Variants in GTPBP4 observed in about 807,000 individuals in gnomAD.
GTPBP4 encodes the protein GTP binding protein 4.
A neutral mutation model predicts 81.7 loss-of-function variants in GTPBP4; 15 were observed. The ratio of observed to expected loss-of-function variants is 0.18; its 90% CI spans 0.12 to 0.28. GTPBP4 has a LOEUF of 0.28. Ranked by LOEUF, GTPBP4 falls within the 10% of genes least tolerant of loss-of-function variation. The probability of loss-of-function intolerance (pLI) is 1.00; values close to 1 mark genes in which losing one functional copy is unlikely to be tolerated. For synonymous variants in GTPBP4, 272 were observed against 274.6 expected, an observed-to-expected ratio of 0.99 and a Z score of 0.09; for missense variants, 847 against 793.8, an observed-to-expected ratio of 1.07 and a Z score of -0.81.
At chr10:995,469 G>T (rs1467030743) in intron 2 of GTPBP4, among the ~76,000 whole-genome samples, 1 of 143,548 alleles carries the variant, frequency 7.0e-6, no homozygotes, top group Non-Finnish European at 1.5e-5. Context: ...GTTCAAGAGA[G>T]GGAGGAGAGG....
chr10:994,558 A>T (rs1831505872), intron 2 of GTPBP4, among the ~76,000 whole-genome samples: 1 of 152,230 alleles, frequency 6.6e-6, no homozygotes, highest in Non-Finnish European at 1.5e-5. Context: ...GACATAAGCC[A>T]CAGTGCCTGG....
At position 1,019,374 on chromosome 10, in the gene GTPBP4, A is replaced by C; in HGVS notation, c.*2147A>C. On this transcript the variant is annotated 3_prime_UTR_variant, in exon 17 of 17. Transcript: ENST00000360803. ...AATGAAGATATGACAAAGTTGATGA[A>C]AAGGTTGAAATAGTGATTTATACAT... 1 of 576,932 alleles carries C rather than the reference A, an allele frequency of 1.7e-6. No individual in the cohort carries two copies. The highest frequency in any genetic ancestry group is 2.6e-5 in the South Asian group (1 of 38,322). The allele number at this position is 576,932 out of a possible 1,614,324, so 35.7% of individuals were successfully genotyped here. A position where few individuals can be genotyped will look rare whatever the true frequency, so the allele number is the denominator to read the frequency against.
At chr10:1,006,181 A>G (rs1831727443) in intron 9 of GTPBP4, among the ~76,000 whole-genome samples, 1 of 152,200 alleles carries the variant, frequency 6.6e-6, no homozygotes, top group South Asian at 2.1e-4. Flanking sequence ...GCCTTTTAAT[A>G]TTTCGGTAGC....
intron 4 of GTPBP4, chr10:996,507 A>G (rs1831540047): frequency 7.1e-6 from 2 of 279,898 alleles, no homozygotes; most frequent in East Asian, 1.3e-4. Context: ...AATACTGAAA[A>G]GTATAAAAAC....
intron 12 of GTPBP4, 76 bp from the exon 13 acceptor site, chr10:1,010,344 C>A: frequency 5.3e-6 from 4 of 755,466 alleles, no homozygotes; most frequent in South Asian, 1.5e-5. Context: ...CCGTCAGTCA[C>A]AACTCATTTT....
intron 6 of GTPBP4, among the ~76,000 whole-genome samples, chr10:1,000,237 T>C (rs1360424105): frequency 1.7e-4 from 1 of 5,804 alleles, no homozygotes; most frequent in Non-Finnish European, 4.4e-4. Context: ...GAGACCTACT[T>C]TTTTTTTTTT....
chr10:1,002,378 C>T (rs895097309), intron 8 of GTPBP4, among the ~76,000 whole-genome samples: 2 of 152,308 alleles, frequency 1.3e-5, no homozygotes, highest in South Asian at 4.1e-4. Flanking sequence ...GACTTAAAAT[C>T]TGCTTTATCT....
chr10:989,968 C>G (rs1831413903), intron 1 of GTPBP4, among the ~76,000 whole-genome samples: 2 of 152,142 alleles, frequency 1.3e-5, no homozygotes, highest in Admixed American at 1.3e-4. Flanking sequence ...AACTCCTAAT[C>G]TCAAGTGATT....
At chr10:1,009,143 T>C (rs1212140404) in intron 11 of GTPBP4, 108 bp downstream of exon 11, 4 of 766,380 alleles carry the variant, frequency 5.2e-6, no homozygotes, top group Non-Finnish European at 8.9e-6. Context: ...GCCCAGACAC[T>C]GGCCCCGTCA....
chr10:1,019,386 A>G lies in GTPBP4; in HGVS notation c.*2159A>G. On this transcript the variant is annotated 3_prime_UTR_variant, in exon 17 of 17. Transcript: ENST00000360803. The stretch of plus-strand genomic sequence containing the variant: ...ACAAAGTTGATGAAAAGGTTGAAAT[A>G]GTGATTTATACATGATGGGCAATCA... 1 of 615,678 alleles carries G rather than the reference A, an allele frequency of 1.6e-6. No individual in the cohort carries two copies. Among genetic ancestry groups the G allele is most frequent in the East Asian group, 2.8e-5 (1 of 35,482 alleles). 38.1% of individuals were successfully genotyped at this position (615,678 alleles called of 1,614,324 possible).
At chr10:992,216 T>C (rs1056390179) in intron 1 of GTPBP4, among the ~76,000 whole-genome samples, 8 of 150,960 alleles carry the variant, frequency 5.3e-5, no homozygotes, top group African/African-American at 1.2e-4. Flanking sequence ...CTGGCTAACA[T>C]GGTGAAACCC....
At chr10:995,860 G>A (rs1450275247) in intron 2 of GTPBP4, 69 bp from the exon 3 acceptor site, 1 of 870,144 alleles carries the variant, frequency 1.1e-6, no homozygotes, top group Non-Finnish European at 1.9e-6. Context: ...GAAAGAAATT[G>A]TTCTTCAAGT....
At chr10:1,001,976 T>G (rs1026812792) in intron 8 of GTPBP4, among the ~76,000 whole-genome samples, 9 of 151,004 alleles carry the variant, frequency 6.0e-5, no homozygotes, top group African/African-American at 2.2e-4. Flanking sequence ...GAGGCTGGAG[T>G]GCAGTGGCAC....
At chr10:995,163 AGAC>A (rs1310598814) in intron 2 of GTPBP4, among the ~76,000 whole-genome samples, 5 of 152,212 alleles carry the variant, frequency 3.3e-5, no homozygotes, top group Non-Finnish European at 7.3e-5. Flanking sequence ...AGTAAAATGT[AGAC>A]GACATTTAAA....
At chr10:1,004,057 A>G (rs745713376) in intron 8 of GTPBP4, among the ~76,000 whole-genome samples, 1 of 152,152 alleles carries the variant, frequency 6.6e-6, no homozygotes, top group Non-Finnish European at 1.5e-5. Flanking sequence ...GTCAGGGCAC[A>G]GTCCTGGCCT....
rs766514340 is a variant in GTPBP4 at position 988,471 on chromosome 10, G to C, written c.-9G>C. ...AGTGCCAAGTACCCGCGTGCATACG[G>C]CTGCCGGCATGGCACATTACAACTT... is the stretch of plus-strand genomic sequence containing the variant. On this transcript the variant is annotated 5_prime_UTR_variant, in exon 1 of 17. Coordinates refer to ENST00000360803, the MANE Select transcript of GTPBP4 (RefSeq NM_012341.3). 3.1e-6 allele frequency: 5 copies of C among 1,612,518 alleles called. No individual in the cohort carries two copies. In the South Asian group the frequency reaches 3.3e-5, roughly 11 times the overall value.
At chr10:992,444 G>A in intron 1 of GTPBP4, 45 bp from the exon 2 acceptor site, 10 of 1,127,490 alleles carry the variant, frequency 8.9e-6, no homozygotes, top group East Asian at 7.4e-5. Flanking sequence ...TGGCTCAAAA[G>A]TAGACCCTTT....
chr10:1,015,399 C>G (rs146187920), intron 15 of GTPBP4, among the ~76,000 whole-genome samples: 21,514 of 39,070 alleles, frequency 0.55, 5,443 homozygotes, highest in Non-Finnish European at 0.58. Flanking sequence ...TGGGAGTGGA[C>G]CTGGGGTCCT....
chr10:1,017,377 C>T lies in GTPBP4; in HGVS notation c.*150C>T. The T allele has an allele frequency of 1.5e-6, 1 of 659,824 alleles. No homozygotes were observed. The highest frequency in any genetic ancestry group is 2.5e-6 in the Non-Finnish European group (1 of 402,786). The allele number at this position is 659,824 out of a possible 1,614,324, so 40.9% of individuals were successfully genotyped here. ...TGCTTTGCTGAAAACTATGGTTAACCCTATATAGGTGTGGGAAATTTTTGT... is the reference window on the plus strand; with the variant it reads ...TGCTTTGCTGAAAACTATGGTTAACTCTATATAGGTGTGGGAAATTTTTGT... On this transcript the variant is annotated 3_prime_UTR_variant, in exon 17 of 17. Transcript: ENST00000360803.
Sources: gnomAD v4.1 joint callset for allele counts (sites outside exome capture counted in the v4.1 genomes callset) on GRCh38, gnomAD v4.1.1 for gene constraint, MANE v1.5 for transcripts, NCBI Gene and HGNC (gene_info 2026-07-23, HGNC 2026-07-21) for gene names.